COBL: variants seen among roughly 807,000 people sequenced by gnomAD.
COBL encodes the protein cordon-bleu WH2 repeat protein, also known as protein cordon-bleu.
A neutral mutation model predicts 98.8 loss-of-function variants in COBL; 51 were observed. The ratio of observed to expected loss-of-function variants is 0.52; its 90% CI spans 0.41 to 0.65. The LOEUF (loss-of-function observed/expected upper bound fraction) is 0.65, where lower values mean the gene tolerates loss of function less well. Among genes scored for constraint, COBL ranks in the 30% least tolerant of loss-of-function variants. The pLI, the probability that COBL is intolerant of heterozygous loss-of-function variation, is 0.00. For missense variants in COBL, 1,617 were observed against 1,617.5 expected (o/e 1.00, Z 0.01); for synonymous variants, 634 against 651.7 (o/e 0.97, Z 0.41).
intron 1 of COBL, among the ~76,000 whole-genome samples, chr7:51,273,065 A>C (rs1447863664): frequency 1.3e-5 from 2 of 152,230 alleles, no homozygotes; most frequent in Non-Finnish European, 2.9e-5. Context: ...GCAGTGGCTC[A>C]TGCCTATAAT....
rs187077148 is a variant in COBL, at chr7:51,300,460, C to T, written c.41+16133G>A. Among the ~76,000 whole-genome samples, 793 of 152,254 alleles carry T rather than the reference C, an allele frequency of 5.2e-3. 34 individuals carry two copies. Among genetic ancestry groups the T allele is most frequent in the Admixed American group, 0.048 (741 of 15,288 alleles). Reference sequence around the variant, plus strand: ...ATAGGCATGAGCCACCATACCTGGCCGAAACAGAGGTTATTAAAGCGGGGA... The same window carrying T: ...ATAGGCATGAGCCACCATACCTGGCTGAAACAGAGGTTATTAAAGCGGGGA... On this transcript the variant is annotated intron_variant, in intron 1 of 12. Transcript: ENST00000265136.
rs141690298 is a variant in COBL at position 51,028,871 on chromosome 7, G to C, written c.2225C>G (p.Pro742Arg). The C allele has an allele frequency of 2.5e-6, 4 of 1,614,084 alleles. No individual in the cohort carries two copies. In the African/African-American group the frequency reaches 5.3e-5, roughly 22 times the overall value. ...AATGATCCTGATGCCGGTGGCGTGAGGACTCACCAAGTTCCCCAGCTCGTC... is the reference window on the plus strand; with the variant it reads ...AATGATCCTGATGCCGGTGGCGTGACGACTCACCAAGTTCCCCAGCTCGTC... ...KIDELGNLVS[P>R]HATGIRIISL... The change falls in exon 10 of 13, where the codon CCT becomes CGT. Residue 742 changes from proline to arginine, a missense_variant. Coordinates refer to ENST00000265136, the MANE Select transcript of COBL (RefSeq NM_015198.5).
intron 1 of COBL, among the ~76,000 whole-genome samples, chr7:51,234,704 A>G (rs904459478): frequency 2.3e-4 from 5 of 22,134 alleles, no homozygotes; most frequent in Non-Finnish European, 4.8e-4. Context: ...CTGTTTCAGA[A>G]AAAAAAAAAA....
At chr7:51,273,022 A>AT (rs1798918728) in intron 1 of COBL, among the ~76,000 whole-genome samples, 2 of 152,276 alleles carry the variant, frequency 1.3e-5, no homozygotes, top group Non-Finnish European at 2.9e-5. Context: ...AAGTCAAATA[A>AT]TAGGGCATTG....
intron 8 of COBL, among the ~76,000 whole-genome samples, chr7:51,041,455 A>T (rs1169713468): frequency 6.6e-6 from 1 of 151,118 alleles, no homozygotes; most frequent in Non-Finnish European, 1.5e-5. Flanking sequence ...TATTTCTTTA[A>T]ATCAGTTTAC....
intron 8 of COBL, 59 bp from the exon 9 acceptor site, chr7:51,030,968 C>T (rs1788081835): frequency 2.7e-6 from 3 of 1,131,864 alleles, no homozygotes; most frequent in Non-Finnish European, 4.0e-6. Flanking sequence ...TTAATGTACT[C>T]CTTTCCAGGA....
At chr7:51,162,364 A>G (rs1193699804) in intron 5 of COBL, among the ~76,000 whole-genome samples, 1 of 152,234 alleles carries the variant, frequency 6.6e-6, no homozygotes, top group Non-Finnish European at 1.5e-5. Context: ...AGTTAGTTGA[A>G]AGATGAGAAT....
In COBL at chr7:51,027,944, T is replaced by C; in HGVS notation, c.3152A>G (p.His1051Arg). 3 of 1,612,466 alleles carry C rather than the reference T, an allele frequency of 1.9e-6. No homozygotes were observed. The highest frequency in any genetic ancestry group is 1.1e-5 in the South Asian group (1 of 90,900). ...VRAPGHGEPSHPPGGSGTESH... is the reference protein window; with the variant it reads ...VRAPGHGEPSRPPGGSGTESH... ...TTCTGTGCCAGACCCTCCTGGAGGG[T>C]GGGAAGGCTCGCCGTGGCCTGGGGC... is the stretch of plus-strand genomic sequence containing the variant. Residue 1051 changes from histidine (H) to arginine (R), a missense_variant, in exon 10 of 13, where the codon CAC (histidine) becomes CGC (arginine). By Grantham distance (29) the His-to-Arg change is conservative (BLOSUM62 0). Transcript: ENST00000265136.
At chr7:51,086,966 C>T (rs1157675754) in intron 6 of COBL, among the ~76,000 whole-genome samples, 1 of 151,064 alleles carries the variant, frequency 6.6e-6, no homozygotes, top group Non-Finnish European at 1.5e-5. Flanking sequence ...ACCCCCTCTC[C>T]AGCAGTAAGC....
At chr7:51,201,447 T>C (rs980676476) in intron 2 of COBL, among the ~76,000 whole-genome samples, 2 of 152,052 alleles carry the variant, frequency 1.3e-5, no homozygotes, top group South Asian at 2.1e-4. Context: ...CACCTAAATA[T>C]GTAAAGTAAA....
At chr7:51,185,863 C>T (rs1360459924) in intron 4 of COBL, among the ~76,000 whole-genome samples, 2 of 152,370 alleles carry the variant, frequency 1.3e-5, no homozygotes, top group African/African-American at 4.8e-5. Flanking sequence ...AGCGTCCACA[C>T]AGCAAAGCAA....
intron 5 of COBL, among the ~76,000 whole-genome samples, chr7:51,177,872 C>T (rs1584067211): frequency 1.3e-5 from 2 of 151,878 alleles, no homozygotes; most frequent in South Asian, 2.1e-4. Context: ...TGGCCGGGCA[C>T]GGTGGCTCAT....
chr7:51,059,294 T>C (rs887796986), intron 7 of COBL, among the ~76,000 whole-genome samples: 6 of 152,248 alleles, frequency 3.9e-5, no homozygotes, highest in Admixed American at 2.0e-4. Context: ...ACCAGAAATA[T>C]ATGCTAGGAA....
intron 5 of COBL, among the ~76,000 whole-genome samples, chr7:51,183,534 ACT>A (rs1789195346): frequency 6.6e-6 from 1 of 152,182 alleles, no homozygotes; most frequent in Admixed American, 6.5e-5. Flanking sequence ...CCAAAATATG[ACT>A]CTGAGATGTG....
At chr7:51,164,626 C>A (rs1004817422) in intron 5 of COBL, among the ~76,000 whole-genome samples, 1 of 151,988 alleles carries the variant, frequency 6.6e-6, no homozygotes, top group East Asian at 1.9e-4. Context: ...ATACTTTAAT[C>A]AGAAAAAAAC....
At chr7:51,108,178 C>G (rs551083183) in intron 6 of COBL, among the ~76,000 whole-genome samples, 1 of 152,116 alleles carries the variant, frequency 6.6e-6, no homozygotes, top group Non-Finnish European at 1.5e-5. Context: ...CAAGGATCCT[C>G]GGGCCAACAT....
intron 5 of COBL, among the ~76,000 whole-genome samples, chr7:51,183,148 T>G (rs1789150841): frequency 1.3e-5 from 2 of 152,190 alleles, no homozygotes; most frequent in Admixed American, 1.3e-4. Context: ...GGGCAGGAAA[T>G]CAGGTGTCCG....
chr7:51,136,460 C>A lies in COBL; in HGVS notation c.784-129G>T. The A allele has an allele frequency of 1.3e-5, 13 of 969,802 alleles. No homozygotes were observed. In the South Asian group the frequency reaches 2.2e-4, roughly 17 times the overall value. The allele number at this position is 969,802 out of a possible 1,614,324, so 60.1% of individuals were successfully genotyped here. The stretch of plus-strand genomic sequence containing the variant: ...GAACGGCAGCTGTTTCTACAGTCAG[C>A]TTGAATGGTCTGAGCAAGCCCTGCC... On this transcript the variant is annotated intron_variant, in intron 5 of 12. Coordinates refer to ENST00000265136, the MANE Select transcript of COBL (RefSeq NM_015198.5).
At chr7:51,229,403 G>A (rs1231987724) in intron 1 of COBL, among the ~76,000 whole-genome samples, 2 of 152,206 alleles carry the variant, frequency 1.3e-5, no homozygotes, top group East Asian at 1.9e-4. Flanking sequence ...ATGAGACCGC[G>A]AGAGTTGTGA....
Sources: allele counts gnomAD v4.1 joint callset (sites outside exome capture counted in the v4.1 genomes callset), GRCh38; gene constraint gnomAD v4.1.1; transcripts MANE v1.5; gene names NCBI Gene and HGNC (gene_info 2026-07-23, HGNC 2026-07-21).